SPAG16: variants seen among roughly 807,000 people sequenced by gnomAD.
SPAG16 encodes sperm-associated antigen 16 protein.
Under a neutral mutation model 80.4 loss-of-function variants are expected in SPAG16, and 86 were observed. The ratio of observed to expected loss-of-function variants is 1.07; its 90% confidence interval spans 0.90 to 1.28. SPAG16 has a LOEUF of 1.28. Ranked by LOEUF, SPAG16 falls within the 50% of genes most tolerant of loss-of-function variation. SPAG16 has a pLI of 0.00. For synonymous variants in SPAG16, 294 were observed against 265.9 expected (o/e 1.11, Z -1.03); for missense variants, 870 against 765.3 (o/e 1.14, Z -1.61).
At chr2:213,783,223 G>T (rs2070124667) in intron 10 of SPAG16, among the ~76,000 whole-genome samples, 2 of 150,536 alleles carry the variant, frequency 1.3e-5, no homozygotes, top group African/African-American at 4.9e-5. Flanking sequence ...CAAAGGACAT[G>T]AACTCATCAT....
intron 15 of SPAG16, among the ~76,000 whole-genome samples, chr2:214,163,602 A>T (rs894260762): frequency 7.0e-6 from 1 of 142,084 alleles, no homozygotes; most frequent in South Asian, 2.2e-4. Context: ...ACACATATAT[A>T]CATATATATA....
At chr2:213,409,288 A>G (rs1489398507) in intron 9 of SPAG16, among the ~76,000 whole-genome samples, 1 of 152,210 alleles carries the variant, frequency 6.6e-6, no homozygotes, top group East Asian at 1.9e-4. Flanking sequence ...TATTCTATAA[A>G]CAGTTTATGT....
chr2:213,675,574 G>A (rs565907538), intron 10 of SPAG16, among the ~76,000 whole-genome samples: 1 of 152,176 alleles, frequency 6.6e-6, no homozygotes, highest in African/African-American at 2.4e-5. Context: ...AAGGTGTAAG[G>A]AAGGGATCCA....
chr2:213,728,100 C>T (rs1021741268), intron 10 of SPAG16, among the ~76,000 whole-genome samples: 12 of 152,180 alleles, frequency 7.9e-5, no homozygotes, highest in African/African-American at 2.2e-4. Context: ...CTGCCTGCCT[C>T]GGCCTCCCAA....
chr2:213,564,763 A>G (rs79152364), intron 10 of SPAG16, among the ~76,000 whole-genome samples: 8,926 of 152,194 alleles, frequency 0.059, 866 homozygotes, highest in African/African-American at 0.2. Context: ...TAATATGCAC[A>G]AGAATCCTGT....
chr2:214,043,070 C>G (rs1192172847), intron 13 of SPAG16, among the ~76,000 whole-genome samples: 1 of 151,938 alleles, frequency 6.6e-6, no homozygotes, highest in Non-Finnish European at 1.5e-5. Flanking sequence ...AGTGAGGACT[C>G]TGGTACACCA....
intron 15 of SPAG16, among the ~76,000 whole-genome samples, chr2:214,195,151 C>A (rs1296180046): frequency 1.3e-5 from 2 of 151,942 alleles, no homozygotes; most frequent in Non-Finnish European, 2.9e-5. Flanking sequence ...GCCAGGAAAA[C>A]AAATAACACT....
chr2:214,324,096 A>G (rs1318714840), intron 15 of SPAG16, among the ~76,000 whole-genome samples: 1 of 152,204 alleles, frequency 6.6e-6, no homozygotes, highest in Non-Finnish European at 1.5e-5. Context: ...TGGGCTTGAT[A>G]GAAAAATGAA....
At chr2:214,183,415 G>T (rs1366410322) in intron 15 of SPAG16, among the ~76,000 whole-genome samples, 1 of 151,882 alleles carries the variant, frequency 6.6e-6, no homozygotes, top group Non-Finnish European at 1.5e-5. Flanking sequence ...TGGTGTGAAG[G>T]CTCAATGACA....
chr2:213,987,855 T>C (rs1157166411), intron 12 of SPAG16, among the ~76,000 whole-genome samples: 2 of 147,726 alleles, frequency 1.4e-5, no homozygotes, highest in Non-Finnish European at 3.0e-5. Context: ...AAAATTTTAA[T>C]ATAAATATAA....
At chr2:213,925,851 A>T (rs2078447474) in intron 11 of SPAG16, among the ~76,000 whole-genome samples, 3 of 152,184 alleles carry the variant, frequency 2.0e-5, no homozygotes, top group Admixed American at 2.0e-4. Flanking sequence ...ACACATATTT[A>T]TCACTATATA....
At chr2:213,586,807 A>G (rs1404586006) in intron 10 of SPAG16, among the ~76,000 whole-genome samples, 2 of 152,208 alleles carry the variant, frequency 1.3e-5, no homozygotes, top group Admixed American at 6.5e-5. Context: ...AGAAGGGAGA[A>G]ACATTGAAGA....
At chr2:213,927,247 G>A (rs1245781817) in intron 11 of SPAG16, among the ~76,000 whole-genome samples, 1 of 152,158 alleles carries the variant, frequency 6.6e-6, no homozygotes, top group Non-Finnish European at 1.5e-5. Flanking sequence ...TTGGAATTAG[G>A]GCATCAATGT....
chr2:213,463,085 C>G (rs2072475051), intron 9 of SPAG16, among the ~76,000 whole-genome samples: 2 of 152,190 alleles, frequency 1.3e-5, no homozygotes, highest in African/African-American at 2.4e-5. Context: ...TTGTTGGGAA[C>G]TGGAGTGAAG....
At chr2:213,342,690 T>C (rs2064762618) in intron 6 of SPAG16, among the ~76,000 whole-genome samples, 1 of 152,038 alleles carries the variant, frequency 6.6e-6, no homozygotes, top group Non-Finnish European at 1.5e-5. Context: ...TTGGGCTATG[T>C]CATTGTAAAT....
At chr2:213,329,604 C>T (rs916603590) in intron 5 of SPAG16, among the ~76,000 whole-genome samples, 3 of 152,134 alleles carry the variant, frequency 2.0e-5, no homozygotes, top group African/African-American at 7.2e-5. Flanking sequence ...AAAAGGGAAA[C>T]AGAGCATAAA....
intron 14 of SPAG16, among the ~76,000 whole-genome samples, chr2:214,138,834 G>T (rs79589120): frequency 2.0e-5 from 3 of 152,110 alleles, no homozygotes; most frequent in Non-Finnish European, 4.4e-5. Context: ...ACCTGAGCCA[G>T]ATTCCTACCC....
At chr2:214,187,997 A>T (rs1243561596) in intron 15 of SPAG16, among the ~76,000 whole-genome samples, 2 of 152,130 alleles carry the variant, frequency 1.3e-5, no homozygotes, top group Non-Finnish European at 2.9e-5. Context: ...CTGACGGTTT[A>T]TTGCAGCAGT....
chr2:213,878,864 A>G (rs1253541315), intron 11 of SPAG16, among the ~76,000 whole-genome samples: 1 of 152,116 alleles, frequency 6.6e-6, no homozygotes, highest in Admixed American at 6.6e-5. Context: ...TCTTCTGCAT[A>G]TAGCAATCCA....
Sources: allele counts gnomAD v4.1 joint callset (sites outside exome capture counted in the v4.1 genomes callset), GRCh38; gene constraint gnomAD v4.1.1; transcripts MANE v1.5; gene names NCBI Gene and HGNC (gene_info 2026-07-23, HGNC 2026-07-21).